Variants in CPXM2 observed in about 807,000 individuals in gnomAD.
CPXM2 encodes the protein inactive carboxypeptidase-like protein X2.
Under a neutral mutation model 86.1 loss-of-function variants are expected in CPXM2, and 66 were observed. The ratio of observed to expected loss-of-function variants is 0.77; its 90% confidence interval spans 0.63 to 0.94. The LOEUF (loss-of-function observed/expected upper bound fraction) is 0.94. Ranked by LOEUF, CPXM2 falls within the 40% of genes least tolerant of loss-of-function variation. The pLI, the probability that CPXM2 is intolerant of heterozygous loss-of-function variation, is 0.00. For missense variants in CPXM2, 948 were observed against 1,026.3 expected, an observed-to-expected ratio of 0.92 and a Z score of 1.04; for synonymous variants, 388 against 400.2, an observed-to-expected ratio of 0.97 and a Z score of 0.36.
At chr10:123,879,900 G>T (rs1405894246) in intron 2 of CPXM2, among the ~76,000 whole-genome samples, 1 of 152,182 alleles carries the variant, frequency 6.6e-6, no homozygotes, top group Non-Finnish European at 1.5e-5. Context: ...CACAAGAGAG[G>T]AAATGATGTT....
At chr10:123,906,053 G>C (rs575227302) in intron 2 of CPXM2, among the ~76,000 whole-genome samples, 2 of 152,136 alleles carry the variant, frequency 1.3e-5, no homozygotes, top group Non-Finnish European at 2.9e-5. Context: ...CACATGGCCC[G>C]CACCTTTGCT....
chr10:123,833,805 G>A (rs147191357), intron 4 of CPXM2, among the ~76,000 whole-genome samples: 1 of 152,284 alleles, frequency 6.6e-6, no homozygotes, highest in East Asian at 1.9e-4. Context: ...AGCACATTTC[G>A]GCTTAGCTGG....
chr10:123,801,331 G>A (rs1390672164), intron 4 of CPXM2, among the ~76,000 whole-genome samples: 1 of 152,046 alleles, frequency 6.6e-6, no homozygotes, highest in Admixed American at 6.6e-5. Flanking sequence ...GCTTTCCACC[G>A]TGATTGTGAG....
intron 8 of CPXM2, 66 bp downstream of exon 8, chr10:123,770,850 T>G: frequency 6.6e-7 from 1 of 1,514,208 alleles, no homozygotes; most frequent in South Asian, 1.3e-5. Flanking sequence ...GGGTGAACAG[T>G]CTCCTAACTG....
chr10:123,928,212 A>C (rs1488011270), intron 2 of CPXM2, among the ~76,000 whole-genome samples: 1 of 152,194 alleles, frequency 6.6e-6, no homozygotes, highest in Non-Finnish European at 1.5e-5. Flanking sequence ...TTCACCACAA[A>C]GATTGTCCGT....
chr10:123,900,328 C>A (rs919078461), intron 2 of CPXM2, among the ~76,000 whole-genome samples: 2 of 152,144 alleles, frequency 1.3e-5, no homozygotes, highest in South Asian at 4.1e-4. Context: ...AGGCATGAGC[C>A]ACCACGCCTG....
At chr10:123,831,088 T>C (rs1218913670) in intron 4 of CPXM2, among the ~76,000 whole-genome samples, 1 of 152,156 alleles carries the variant, frequency 6.6e-6, no homozygotes, top group Admixed American at 6.5e-5. Context: ...GCTGTAAACT[T>C]AGAAATATTA....
At chr10:123,762,574 G>A (rs1420039982) in intron 10 of CPXM2, among the ~76,000 whole-genome samples, 1 of 152,166 alleles carries the variant, frequency 6.6e-6, no homozygotes, top group Non-Finnish European at 1.5e-5. Context: ...TTTAGCTTCA[G>A]TAATCTGGGG....
chr10:123,862,205 G>A (rs1168048003), intron 3 of CPXM2, among the ~76,000 whole-genome samples: 1 of 152,188 alleles, frequency 6.6e-6, no homozygotes, highest in Non-Finnish European at 1.5e-5. Context: ...CCTGGAAGGT[G>A]TGTGTGTGGC....
intron 4 of CPXM2, among the ~76,000 whole-genome samples, chr10:123,813,928 C>T (rs1847749423): frequency 6.6e-6 from 1 of 152,164 alleles, no homozygotes; most frequent in African/African-American, 2.4e-5. Flanking sequence ...GACTGTGTAC[C>T]TTGGCCACAG....
chr10:123,770,985 C>T lies in CPXM2; in HGVS notation c.1033G>A (p.Gly345Arg). Residue 345 changes from glycine to arginine, a missense_variant, in exon 8 of 14, where the codon GGA becomes AGA. Gly to Arg is a moderately radical substitution (Grantham distance 125). Coordinates refer to ENST00000241305, the MANE Select transcript of CPXM2 (RefSeq NM_198148.3). ...AGCTTCAGGCCCTGGTGGCTTTTTC[C>T]AATGTTGTAAATTCTGGTGATATTG... Reference protein sequence around the residue: ...CPNITRIYNIGKSHQGLKLYA... With the variant: ...CPNITRIYNIRKSHQGLKLYA... 6.2e-7 allele frequency: 1 copy of T among 1,613,802 alleles called. No homozygotes were observed. The highest frequency in any genetic ancestry group is 8.5e-7 in the Non-Finnish European group (1 of 1,179,710).
At chr10:123,856,561 C>T (rs1439324200) in intron 3 of CPXM2, among the ~76,000 whole-genome samples, 1 of 152,054 alleles carries the variant, frequency 6.6e-6, no homozygotes, top group Non-Finnish European at 1.5e-5. Context: ...GGCAAAGGAT[C>T]CAAGCATGTT....
intron 4 of CPXM2, among the ~76,000 whole-genome samples, chr10:123,808,663 A>T (rs1340657261): frequency 6.6e-6 from 1 of 152,218 alleles, no homozygotes; most frequent in Admixed American, 6.5e-5. Flanking sequence ...AGGTTTCAGC[A>T]GGTACAATTA....
At chr10:123,864,574 T>C (rs961250170) in intron 2 of CPXM2, among the ~76,000 whole-genome samples, 2 of 152,228 alleles carry the variant, frequency 1.3e-5, no homozygotes, top group Admixed American at 6.5e-5. Flanking sequence ...AGCTTCTTCC[T>C]TGGTAGCAGA....
intron 4 of CPXM2, among the ~76,000 whole-genome samples, chr10:123,802,590 AG>A (rs1381595421): frequency 6.6e-6 from 1 of 152,224 alleles, no homozygotes; most frequent in African/African-American, 2.4e-5. Flanking sequence ...TTGGATTATT[AG>A]GAAGAGTGCT....
intron 2 of CPXM2, among the ~76,000 whole-genome samples, chr10:123,927,044 C>T (rs1019417678): frequency 6.6e-6 from 1 of 152,184 alleles, no homozygotes; most frequent in African/African-American, 2.4e-5. Context: ...TGTGGATGGG[C>T]ACGTGACCTT....
At chr10:123,859,210 C>T (rs1480682995) in intron 3 of CPXM2, among the ~76,000 whole-genome samples, 2 of 152,344 alleles carry the variant, frequency 1.3e-5, no homozygotes, top group African/African-American at 4.8e-5. Flanking sequence ...CACAAAATCC[C>T]ATTAGCTCAA....
chr10:123,816,046 T>A (rs1056776414), intron 4 of CPXM2, among the ~76,000 whole-genome samples: 16 of 151,792 alleles, frequency 1.1e-4, no homozygotes, highest in African/African-American at 3.4e-4. Context: ...GTGAGAGAGG[T>A]GGAAATGTCT....
At chr10:123,765,461 T>C (rs538994238) in intron 10 of CPXM2, among the ~76,000 whole-genome samples, 1 of 152,360 alleles carries the variant, frequency 6.6e-6, no homozygotes, top group Admixed American at 6.5e-5. Context: ...TATAGCCTAG[T>C]GGCTAAGAAA....
Sources: gnomAD v4.1 joint callset for allele counts (sites outside exome capture counted in the v4.1 genomes callset) on GRCh38, gnomAD v4.1.1 for gene constraint, MANE v1.5 for transcripts, NCBI Gene and HGNC (gene_info 2026-07-23, HGNC 2026-07-21) for gene names.